GNA11: variants seen among roughly 807,000 people sequenced by gnomAD.
GNA11 encodes guanine nucleotide-binding protein subunit alpha-11.
A neutral mutation model predicts 38.2 loss-of-function variants in GNA11; 8 were observed. The observed-to-expected ratio is 0.21, with a 90% CI of 0.12 to 0.38. GNA11 has a LOEUF of 0.38. GNA11 is among the 10% of genes least tolerant of loss of function. The pLI is 1.00. For synonymous variants in GNA11, 211 were observed against 221.4 expected (o/e 0.95, Z 0.42); for missense variants, 268 against 516.3 (o/e 0.52, Z 4.66).
rs374086915 is a variant in GNA11 at position 3,119,076 on chromosome 19, G to T, written c.735+23G>T. On this transcript the variant is annotated intron_variant, in intron 5 of 6. Transcript: ENST00000078429. This position sits in a 1 kb window ranked among gnomAD's most constrained non-coding sequence, Gnocchi z 4.6. Reference sequence around the variant, plus strand: ...GAGGTGGGCCCTGCCCTGAGCAGGGGCAGCGTTGGGGGCCGGGCCTTCCCC... The same window carrying T: ...GAGGTGGGCCCTGCCCTGAGCAGGGTCAGCGTTGGGGGCCGGGCCTTCCCC... 1.2e-6 allele frequency: 2 copies of T among 1,609,564 alleles called. No homozygotes were observed. The highest frequency in any genetic ancestry group is 2.7e-5 in the African/African-American group (2 of 74,472).
intron 2 of GNA11, among the ~76,000 whole-genome samples, chr19:3,111,862 C>T (rs543635335): frequency 6.6e-6 from 1 of 152,354 alleles, no homozygotes; most frequent in South Asian, 2.1e-4. Context: ...TTTCGTAGCC[C>T]TGCTTTCAGG....
At chr19:3,112,849 C>T (rs563155848) in intron 2 of GNA11, among the ~76,000 whole-genome samples, 13 of 152,374 alleles carry the variant, frequency 8.5e-5, no homozygotes, top group Middle Eastern at 3.4e-3. Flanking sequence ...ACACTGCAGG[C>T]GATGCCGCTG....
rs539250828 is a variant in GNA11, at chr19:3,123,214, G to A, written c.*2035G>A. ...CTGGCCGTGGCCTGAGGGTGGAGTC[G>A]CCCAGCACGCAGGCCGGGGCGCTGC... On this transcript the variant is annotated 3_prime_UTR_variant, in exon 7 of 7. Transcript: ENST00000078429. 2.6e-5 allele frequency: 6 copies of A among 233,334 alleles called. No homozygotes were observed. Among genetic ancestry groups the A allele is most frequent in the South Asian group, 3.6e-4 (2 of 5,530 alleles). The allele number at this position is 233,334 out of a possible 1,614,324, so 14.5% of individuals were successfully genotyped here. A position where few individuals can be genotyped will look rare whatever the true frequency, so the allele number is the denominator to read the frequency against.
At chr19:3,100,948 C>G (rs1479231896) in intron 1 of GNA11, among the ~76,000 whole-genome samples, 2 of 152,190 alleles carry the variant, frequency 1.3e-5, no homozygotes, top group Non-Finnish European at 2.9e-5. Context: ...CGGAGTAACC[C>G]TGGGCGGTGG....
intron 1 of GNA11, among the ~76,000 whole-genome samples, chr19:3,105,335 C>T (rs542971671): frequency 6.7e-6 from 1 of 150,232 alleles, no homozygotes; most frequent in Admixed American, 6.7e-5. Flanking sequence ...TGTAAACTAC[C>T]CGAGTTTGTC....
intron 1 of GNA11, among the ~76,000 whole-genome samples, chr19:3,099,038 G>A (rs917841677): frequency 3.3e-5 from 5 of 152,214 alleles, no homozygotes; most frequent in African/African-American, 1.2e-4. Context: ...TGTAGTGAGA[G>A]TGGAGGAAGT....
At chr19:3,095,638 C>T (rs1913345608) in intron 1 of GNA11, among the ~76,000 whole-genome samples, 1 of 152,072 alleles carries the variant, frequency 6.6e-6, no homozygotes, top group Non-Finnish European at 1.5e-5. Context: ...TGGAATGCAC[C>T]CTGTGGGAAA....
At chr19:3,113,585 C>G in intron 3 of GNA11, 101 bp downstream of exon 3, 1 of 893,252 alleles carries the variant, frequency 1.1e-6, no homozygotes, top group Non-Finnish European at 1.7e-6. Flanking sequence ...TGCCCCCTGC[C>G]TGCTCGCCGG....
chr19:3,102,460 G>C (rs935642576), intron 1 of GNA11, among the ~76,000 whole-genome samples: 1 of 152,194 alleles, frequency 6.6e-6, no homozygotes, highest in Non-Finnish European at 1.5e-5. Context: ...TCCTCTCTCA[G>C]GGCGCCCCCT....
rs1351660042 is a variant in GNA11, at chr19:3,121,560, G to A, written c.*381G>A. On this transcript the variant is annotated 3_prime_UTR_variant, in exon 7 of 7. Transcript: ENST00000078429. The stretch of plus-strand genomic sequence containing the variant: ...GGCCTCACAGAGCCCCCGCCAGCCA[G>A]CATGGGGCCCCGCCCTGCAGCCAGT... The A allele has an allele frequency of 2.1e-5, 5 of 235,706 alleles. No individual in the cohort carries two copies. Among genetic ancestry groups the A allele is most frequent in the African/African-American group, 8.8e-5 (4 of 45,286 alleles). The allele number at this position is 235,706 out of a possible 1,614,324, so 14.6% of individuals were successfully genotyped here.
intron 3 of GNA11, among the ~76,000 whole-genome samples, chr19:3,114,092 A>G (rs947959542): frequency 6.6e-6 from 1 of 151,868 alleles, no homozygotes; most frequent in African/African-American, 2.4e-5. Context: ...GCACCGGGAG[A>G]GACCCTAAGG....
chr19:3,096,365 G>C (rs1310811008), intron 1 of GNA11, among the ~76,000 whole-genome samples: 1 of 152,226 alleles, frequency 6.6e-6, no homozygotes, highest in African/African-American at 2.4e-5. Context: ...TTTGCACAGA[G>C]TGGCACTGGC....
chr19:3,119,384 G>A lies in GNA11; in HGVS notation c.889+25G>A, dbSNP rs1162404767. On this transcript the variant is annotated intron_variant, in intron 6 of 6. Coordinates refer to ENST00000078429, the MANE Select transcript of GNA11 (RefSeq NM_002067.5). The surrounding 1 kb of genome is among the most constrained non-coding windows in gnomAD (Gnocchi z 4.6). ...GGTGCGCCGGGCTGCGGCATGGGGA[G>A]GGGCTCGCGGGCAGGGCCTTACTGG... 6.2e-7 allele frequency: 1 copy of A among 1,606,880 alleles called. No homozygotes were observed. Among genetic ancestry groups the A allele is most frequent in the Non-Finnish European group, 8.5e-7 (1 of 1,177,040 alleles).
intron 1 of GNA11, among the ~76,000 whole-genome samples, chr19:3,104,343 C>T (rs528166497): frequency 2.6e-5 from 4 of 152,328 alleles, no homozygotes; most frequent in East Asian, 1.9e-4. Flanking sequence ...GAGCAGTGGG[C>T]GGACTCTGGC....
At chr19:3,097,694 C>G (rs2145303667) in intron 1 of GNA11, among the ~76,000 whole-genome samples, 1 of 152,366 alleles carries the variant, frequency 6.6e-6, no homozygotes, top group South Asian at 2.1e-4. Context: ...AGCCCTAGAG[C>G]TGGACGGGGC....
Position 3,113,311 on chromosome 19 carries a change from C to T in GNA11, c.322-19C>T. 6.2e-7 allele frequency: 1 copy of T among 1,612,270 alleles called. No homozygotes were observed. Among genetic ancestry groups the T allele is most frequent in the Non-Finnish European group, 8.5e-7 (1 of 1,179,246 alleles). On this transcript the variant is annotated intron_variant, in intron 2 of 6. Coordinates refer to ENST00000078429, the MANE Select transcript of GNA11 (RefSeq NM_002067.5). ...TGGCCCCAGCGAGCTCTCGACGTCT[C>T]CCCTGCCCGCCCTCGCAGGCCAATG...
At position 3,119,298 on chromosome 19, in the gene GNA11, G is replaced by C; in HGVS notation, c.828G>C (p.Lys276Asn). ...CCGTCATCCTCTTCCTCAACAAGAAGGACCTGCTGGAGGACAAGATCCTGT... is the reference window on the plus strand; with the variant it reads ...CCGTCATCCTCTTCCTCAACAAGAACGACCTGCTGGAGGACAAGATCCTGT... ...NSSVILFLNK[K>N]DLLEDKILYS... The change falls in exon 6 of 7, where the codon AAG becomes AAC. Residue 276 changes from lysine (K) to asparagine (N), a missense_variant. Lys to Asn is a moderately conservative substitution (Grantham distance 94). Around this residue, in one of 3 missense-constraint regions of GNA11, gnomAD observed 92 missense variants for 166.7 expected, o/e 0.55. Transcript: ENST00000078429. This position sits in a 1 kb window ranked among gnomAD's most constrained non-coding sequence, Gnocchi z 4.6. The C allele has an allele frequency of 1.2e-6, 2 of 1,613,912 alleles. No individual in the cohort carries two copies. The highest frequency in any genetic ancestry group is 1.7e-6 in the Non-Finnish European group (2 of 1,179,898).
At position 3,106,966 on chromosome 19, in the gene GNA11, G is replaced by A. The variant is rs572558379; in HGVS notation, c.137-3183G>A. On this transcript the variant is annotated intron_variant, in intron 1 of 6. Coordinates refer to ENST00000078429, the MANE Select transcript of GNA11 (RefSeq NM_002067.5). ...CAAAACGCAAAACAGGCCGGGCGCG[G>A]TGGCTCACGCCTGTAATCCCAGCGC... Among the ~76,000 whole-genome samples the A allele has an allele frequency of 2.6e-5, 4 of 152,360 alleles. No individual in the cohort carries two copies. In the South Asian group the frequency reaches 8.3e-4, roughly 32 times the overall value.
Position 3,120,268 on chromosome 19 carries a change from C to G in GNA11, c.890-721C>G, listed in dbSNP as rs961773932. ...CTGCTGTCCCTGGGCAGGGGAGTGG[C>G]GGGGGGCGCTGCACCTGCTCCAGCC... On this transcript the variant is annotated intron_variant, in intron 6 of 6. Transcript: ENST00000078429. This position sits in a 1 kb window ranked among gnomAD's most constrained non-coding sequence, Gnocchi z 5.9. 2.0e-5 allele frequency among the ~76,000 whole-genome samples: 3 copies of G among 151,598 alleles called. No homozygotes were observed. Among genetic ancestry groups the G allele is most frequent in the Non-Finnish European group, 4.4e-5 (3 of 67,802 alleles).
Sources: allele counts gnomAD v4.1 joint callset (sites outside exome capture counted in the v4.1 genomes callset), GRCh38; gene constraint gnomAD v4.1.1; regional missense constraint gnomAD v4.1.1; non-coding constraint Gnocchi (gnomAD v3.1); transcripts MANE v1.5; gene names NCBI Gene and HGNC (gene_info 2026-07-23, HGNC 2026-07-21).